Variants in ZNF547 observed in about 807,000 individuals in gnomAD.
The protein encoded by ZNF547 is zinc finger protein 547.
Under a neutral mutation model 7.7 loss-of-function variants are expected in ZNF547, and 4 were observed. The observed-to-expected ratio is 0.52, with a 90% CI of 0.26 to 1.20. The LOEUF is 1.20. Among genes scored for constraint, ZNF547 ranks in the 50% most tolerant of loss-of-function variants. ZNF547 has a pLI of 0.14. For synonymous variants in ZNF547, 166 were observed against 166.2 expected, an observed-to-expected ratio of 1.00 and a Z score of 0.01; for missense variants, 449 against 485.8, an observed-to-expected ratio of 0.92 and a Z score of 0.71.
chr19:57,371,861 T>C lies in ZNF547; in HGVS notation c.104T>C (p.Leu35Pro). Residue 35 changes from leucine (L) to proline (P), a missense_variant, in exon 3 of 4, where the codon CTG becomes CCG. Physicochemically the swap from Leu to Pro is moderately conservative, Grantham distance 98 (BLOSUM62 -3). Transcript: ENST00000282282. ...WGHLDEAQRL[L>P]YRDVMLENLA... ...CATCTCGATGAGGCTCAGAGATTGC[T>C]GTACCGTGATGTGATGCTGGAGAAT... The C allele has an allele frequency of 6.2e-7, 1 of 1,613,614 alleles. No individual in the cohort carries two copies. Among genetic ancestry groups the C allele is most frequent in the Middle Eastern group, 1.7e-4 (1 of 6,054 alleles).
rs761333593 is a variant in ZNF547 at position 57,368,533 on chromosome 19, TCTTC to T, written c.-12-6_-12-3del. 44 of 1,613,998 alleles carry T rather than the reference TCTTC, an allele frequency of 2.7e-5. No homozygotes were observed. Among genetic ancestry groups the T allele is most frequent in the Non-Finnish European group, 3.6e-5 (43 of 1,179,980 alleles). Reference sequence around the variant, plus strand: ...CGTTGCCCATTTCTCACGGTTTCCCTCTTCCTTCAGGGTCCCCTGGCGATGGCAG... The same window carrying T: ...CGTTGCCCATTTCTCACGGTTTCCCTCTTCAGGGTCCCCTGGCGATGGCAG... On this transcript the variant is annotated splice_polypyrimidine_tract_variant and splice_region_variant and intron_variant, in intron 1 of 3. Coordinates refer to ENST00000282282, the MANE Select transcript of ZNF547 (RefSeq NM_173631.4).
intron 1 of ZNF547, chr19:57,364,834 A>G (rs771253311): frequency 2.5e-6 from 4 of 1,603,870 alleles, no homozygotes; most frequent in South Asian, 2.2e-5. Context: ...ATTGAAGACC[A>G]TGTCTGGAAG....
rs61547238 is a variant in ZNF547, at chr19:57,369,899, C to CTTTTTTTTTTTTTTTTTTTTTTT, written c.24+1322_24+1344dup. On this transcript the variant is annotated intron_variant, in intron 2 of 3. Transcript: ENST00000282282. ...AAAGAAGTTTAATTGACTCACAGTT[C>CTTTTTTTTTTTTTTTTTTTTTTT]TTTTTTTTTTTTTTTTTTTTTTTTG... Among the ~76,000 whole-genome samples, 8 of 51,678 alleles carry CTTTTTTTTTTTTTTTTTTTTTTT rather than the reference C, an allele frequency of 1.5e-4. 3 individuals are homozygous for CTTTTTTTTTTTTTTTTTTTTTTT. Among genetic ancestry groups the CTTTTTTTTTTTTTTTTTTTTTTT allele is most frequent in the Non-Finnish European group, 2.3e-4 (7 of 29,906 alleles). The allele number at this position is 51,678 out of a possible 152,430, so 33.9% of individuals were successfully genotyped here.
intron 3 of ZNF547, among the ~76,000 whole-genome samples, chr19:57,373,434 G>GC (rs149477503): frequency 0.038 from 5,478 of 146,070 alleles, 185 homozygotes; most frequent in African/African-American, 0.095. Flanking sequence ...TTCCACCCCG[G>GC]CCCCCCCCAC....
Position 57,377,153 on chromosome 19 carries a change from G to C in ZNF547, c.177G>C (p.Glu59Asp). 1.2e-6 allele frequency: 2 copies of C among 1,613,838 alleles called. No homozygotes were observed. The highest frequency in any genetic ancestry group is 1.7e-6 in the Non-Finnish European group (2 of 1,179,746). Residue 59 changes from glutamate (E) to aspartate (D), a missense_variant, in exon 4 of 4, where the codon GAG becomes GAC. Transcript: ENST00000282282. ...GTTGTTGCCATGGAGCTGAGGATGAGGAGGCACCTTTAGAGCCAGGTGTTT... is the reference window on the plus strand; with the variant it reads ...GTTGTTGCCATGGAGCTGAGGATGACGAGGCACCTTTAGAGCCAGGTGTTT... ...SLGCCHGAED[E>D]EAPLEPGVSV...
Position 57,377,210 on chromosome 19 carries a change from G to A in ZNF547, c.234G>A (p.Lys78=). 1 of 1,614,198 alleles carries A rather than the reference G, an allele frequency of 6.2e-7. No homozygotes were observed. Among genetic ancestry groups the A allele is most frequent in the African/African-American group, 1.3e-5 (1 of 75,050 alleles). Residue 78 remains lysine (K), a synonymous_variant, in exon 4 of 4, where the codon AAG becomes AAA. Transcript: ENST00000282282. ...GAGTGTCACAGGTCATGGCTCCAAA[G>A]CCCTGTCTATCTACCCAGAATACCC... The part of the protein sequence containing the change: ...SVGVSQVMAP[K]PCLSTQNTQP...
intron 3 of ZNF547, among the ~76,000 whole-genome samples, chr19:57,373,966 T>G (rs763013527): frequency 4.1e-4 from 63 of 152,172 alleles, no homozygotes; most frequent in Non-Finnish European, 7.2e-4. Flanking sequence ...GGACGTGGCC[T>G]TCTTCTCATA....
Position 57,377,231 on chromosome 19 carries a change from T to G in ZNF547, c.255T>G (p.Asn85Lys). 6.2e-7 allele frequency: 1 copy of G among 1,614,214 alleles called. No homozygotes were observed. The highest frequency in any genetic ancestry group is 8.5e-7 in the Non-Finnish European group (1 of 1,180,042). Residue 85 changes from asparagine (N) to lysine (K), a missense_variant, in exon 4 of 4, where the codon AAT (asparagine) becomes AAG (lysine). Physicochemically the swap from Asn to Lys is moderately conservative, Grantham distance 94 (BLOSUM62 0). Transcript: ENST00000282282. ...CAAAGCCCTGTCTATCTACCCAGAATACCCAGCCCTGTGAGACATGTAGCT... is the reference window on the plus strand; with the variant it reads ...CAAAGCCCTGTCTATCTACCCAGAAGACCCAGCCCTGTGAGACATGTAGCT... ...MAPKPCLSTQ[N>K]TQPCETCSSL...
intron 3 of ZNF547, among the ~76,000 whole-genome samples, chr19:57,375,661 CAAAAAAAAAA>C (rs67290425): frequency 6.6e-5 from 6 of 91,498 alleles, no homozygotes; most frequent in Non-Finnish European, 1.1e-4. Context: ...GAGTTTGTCT[CAAAAAAAAAA>C]AAAAAAAAAA....
Position 57,378,422 on chromosome 19 carries a change from T to TGAA in ZNF547, c.*243_*245dup. 1 of 690,424 alleles carries TGAA rather than the reference T, an allele frequency of 1.4e-6. No homozygotes were observed. Among genetic ancestry groups the TGAA allele is most frequent in the Admixed American group, 2.0e-5 (1 of 51,266 alleles). The allele number at this position is 690,424 out of a possible 1,614,324, so 42.8% of individuals were successfully genotyped here. On this transcript the variant is annotated 3_prime_UTR_variant, in exon 4 of 4. Transcript: ENST00000282282. ...TCATTAGACATTGGAGAGTTTACAC[T>TGAA]GAAGAAGAGTCTTTTCAATAAAGTA...
At position 57,378,214 on chromosome 19, in the gene ZNF547, A is replaced by G; in HGVS notation, c.*29A>G. ...CCTTATGAATGCAGTGGATATGGGA[A>G]AGCCTTCAGTCACCAACATATTGTG... is the stretch of plus-strand genomic sequence containing the variant. On this transcript the variant is annotated 3_prime_UTR_variant, in exon 4 of 4. Coordinates refer to ENST00000282282, the MANE Select transcript of ZNF547 (RefSeq NM_173631.4). 6.3e-7 allele frequency: 1 copy of G among 1,575,044 alleles called. No individual in the cohort carries two copies.
Sources: allele counts gnomAD v4.1 joint callset (sites outside exome capture counted in the v4.1 genomes callset), GRCh38; gene constraint gnomAD v4.1.1; transcripts MANE v1.5; gene names NCBI Gene and HGNC (gene_info 2026-07-23, HGNC 2026-07-21).